MSRA: variants seen among roughly 807,000 people sequenced by gnomAD.
MSRA encodes methionine sulfoxide reductase A, also known as mitochondrial peptide methionine sulfoxide reductase.
In MSRA, 54 loss-of-function variants were observed where a neutral mutation model predicts 31.3. That is an observed-to-expected ratio of 1.73 (90% confidence interval 1.39 to 2.17). MSRA has a LOEUF of 2.17. Among genes scored for constraint, MSRA ranks in the 30% most tolerant of loss-of-function variants. The pLI is 0.00. For missense variants in MSRA, 507 were observed against 300.9 expected, an observed-to-expected ratio of 1.69 and a Z score of -5.07; for synonymous variants, 169 against 116.5, an observed-to-expected ratio of 1.45 and a Z score of -2.90.
intron 2 of MSRA, among the ~76,000 whole-genome samples, chr8:10,222,576 C>T (rs1026488722): frequency 2.0e-5 from 3 of 152,174 alleles, no homozygotes; most frequent in African/African-American, 7.2e-5. Context: ...CTATTCACAA[C>T]ATACAAGATA....
At chr8:10,077,398 T>A (rs1400152740) in intron 1 of MSRA, among the ~76,000 whole-genome samples, 1 of 152,002 alleles carries the variant, frequency 6.6e-6, no homozygotes, top group African/African-American at 2.4e-5. Context: ...AGGGGGAAGA[T>A]ATGGGAAGAT....
At chr8:10,211,270 C>T (rs1424808168) in intron 2 of MSRA, among the ~76,000 whole-genome samples, 1 of 152,104 alleles carries the variant, frequency 6.6e-6, no homozygotes, top group Non-Finnish European at 1.5e-5. Context: ...TAGATGATTC[C>T]TTAAAAACTG....
chr8:10,253,278 C>G (rs930609166), intron 3 of MSRA, among the ~76,000 whole-genome samples: 5 of 152,186 alleles, frequency 3.3e-5, no homozygotes, highest in African/African-American at 1.2e-4. Context: ...TTTATGGACT[C>G]TCTAAAGACT....
chr8:10,095,730 C>A, intron 1 of MSRA: 2 of 1,092,296 alleles, frequency 1.8e-6, no homozygotes, highest in Non-Finnish European at 2.2e-6. Flanking sequence ...GGTTTTCAAA[C>A]TTAGAAGGCT....
intron 5 of MSRA, among the ~76,000 whole-genome samples, chr8:10,403,390 C>G (rs550865913): frequency 6.6e-6 from 1 of 152,166 alleles, no homozygotes; most frequent in South Asian, 2.1e-4. Context: ...CATGCTCATG[C>G]CATACTTGCT....
intron 2 of MSRA, among the ~76,000 whole-genome samples, chr8:10,242,544 A>G (rs944748414): frequency 3.9e-5 from 6 of 152,134 alleles, no homozygotes; most frequent in Non-Finnish European, 7.3e-5. Context: ...ATTGAAATAT[A>G]TGTTTGTTTT....
At chr8:10,195,833 A>G (rs1424491641) in intron 1 of MSRA, among the ~76,000 whole-genome samples, 2 of 152,256 alleles carry the variant, frequency 1.3e-5, no homozygotes, top group Non-Finnish European at 2.9e-5. Flanking sequence ...GGGAGCTTCC[A>G]TCAAGAAATA....
intron 3 of MSRA, among the ~76,000 whole-genome samples, chr8:10,257,349 ATTGGACACTGACAGCCC>A (rs1798237252): frequency 1.3e-5 from 2 of 152,312 alleles, no homozygotes; most frequent in South Asian, 4.1e-4. Flanking sequence ...GTCTCAATGC[ATTGGACACTGACAGCCC>A]ATGTATTCTA....
Position 10,068,096 on chromosome 8 carries a change from C to T in MSRA, c.142+13438C>T, listed in dbSNP as rs189641930. Among the ~76,000 whole-genome samples the T allele has an allele frequency of 2.5e-3, 382 of 152,052 alleles. 1 individual carries two copies. Among genetic ancestry groups the T allele is most frequent in the Non-Finnish European group, 3.0e-3 (204 of 67,976 alleles). On this transcript the variant is annotated intron_variant, in intron 1 of 5. Coordinates refer to ENST00000317173, the MANE Select transcript of MSRA (RefSeq NM_012331.5). ...ATGGGGTTTCGCTGTGTTTGCCAGGCTGATGTCGAACTTTTGACCTCAAGC... is the reference window on the plus strand; with the variant it reads ...ATGGGGTTTCGCTGTGTTTGCCAGGTTGATGTCGAACTTTTGACCTCAAGC...
intron 1 of MSRA, among the ~76,000 whole-genome samples, chr8:10,102,143 C>T (rs1004530691): frequency 1.3e-5 from 2 of 152,100 alleles, no homozygotes; most frequent in Non-Finnish European, 2.9e-5. Context: ...GTTTGGGGCT[C>T]ATTCACCTTC....
intron 5 of MSRA, among the ~76,000 whole-genome samples, chr8:10,403,151 G>A (rs185622452): frequency 6.6e-6 from 1 of 152,266 alleles, no homozygotes; most frequent in East Asian, 1.9e-4. Flanking sequence ...AAATGTCCCA[G>A]GGCTGGCTTG....
chr8:10,220,750 C>A lies in MSRA; in HGVS notation c.211+12849C>A, dbSNP rs114803655. Among the ~76,000 whole-genome samples the A allele has an allele frequency of 4.9e-3, 745 of 152,264 alleles. 6 individuals are homozygous for A. The highest frequency in any genetic ancestry group is 0.017 in the African/African-American group (713 of 41,534). ...CAGTGCTTGGTGACATTCTTATTAC[C>A]CTTTCTTTCACCAGCATTCTGTTTC... On this transcript the variant is annotated intron_variant, in intron 2 of 5. Coordinates refer to ENST00000317173, the MANE Select transcript of MSRA (RefSeq NM_012331.5).
At chr8:10,262,419 T>C (rs563860706) in intron 3 of MSRA, among the ~76,000 whole-genome samples, 4 of 152,366 alleles carry the variant, frequency 2.6e-5, no homozygotes, top group African/African-American at 9.6e-5. Flanking sequence ...GCAATTCTGA[T>C]AGGTGTATAG....
At chr8:10,188,553 G>C (rs1207385958) in intron 1 of MSRA, among the ~76,000 whole-genome samples, 1 of 152,224 alleles carries the variant, frequency 6.6e-6, no homozygotes, top group Non-Finnish European at 1.5e-5. Context: ...CACATTTATA[G>C]CTACGATCCA....
At chr8:10,162,219 T>C (rs1472363574) in intron 1 of MSRA, among the ~76,000 whole-genome samples, 1 of 152,108 alleles carries the variant, frequency 6.6e-6, no homozygotes, top group East Asian at 1.9e-4. Flanking sequence ...TTTATTTTTA[T>C]TTTGGACAGG....
chr8:10,211,799 T>C (rs1809522768), intron 2 of MSRA, among the ~76,000 whole-genome samples: 1 of 152,134 alleles, frequency 6.6e-6, no homozygotes. Flanking sequence ...TGACATTCCG[T>C]TGGCCACGGT....
At chr8:10,187,917 G>A (rs1386325875) in intron 1 of MSRA, among the ~76,000 whole-genome samples, 3 of 152,122 alleles carry the variant, frequency 2.0e-5, no homozygotes, top group East Asian at 1.9e-4. Flanking sequence ...TAATGAACAG[G>A]TTCCTGCCTC....
intron 3 of MSRA, among the ~76,000 whole-genome samples, chr8:10,257,660 C>G (rs1563277608): frequency 6.6e-6 from 1 of 152,114 alleles, no homozygotes; most frequent in Non-Finnish European, 1.5e-5. Flanking sequence ...CATTTACTTT[C>G]AATTAACGGC....
At chr8:10,136,762 G>C (rs1316050784) in intron 1 of MSRA, among the ~76,000 whole-genome samples, 1 of 152,158 alleles carries the variant, frequency 6.6e-6, no homozygotes, top group Non-Finnish European at 1.5e-5. Flanking sequence ...TCCCCTCCTT[G>C]CAGGACACAC....
Sources: gnomAD v4.1 joint callset for allele counts (sites outside exome capture counted in the v4.1 genomes callset) on GRCh38, gnomAD v4.1.1 for gene constraint, MANE v1.5 for transcripts, NCBI Gene and HGNC (gene_info 2026-07-23, HGNC 2026-07-21) for gene names.